ATP11A: variants seen among roughly 807,000 people sequenced by gnomAD.
ATP11A encodes phospholipid-transporting ATPase IH.
In ATP11A, 81 loss-of-function variants were observed where a neutral mutation model predicts 154.4. The ratio of observed to expected loss-of-function variants is 0.52; its 90% CI spans 0.44 to 0.63. ATP11A has a LOEUF of 0.63. ATP11A is among the 30% of genes least tolerant of loss of function. ATP11A has a pLI of 0.00. For synonymous variants in ATP11A, 623 were observed against 585.9 expected (o/e 1.06, Z -0.91); for missense variants, 1,316 against 1,474.3 (o/e 0.89, Z 1.76).
chr13:112,712,845 G>A (rs1286999109), intron 1 of ATP11A, among the ~76,000 whole-genome samples: 1 of 152,258 alleles, frequency 6.6e-6, no homozygotes, highest in African/African-American at 2.4e-5. Context: ...CAGGCCAGGG[G>A]AGGTTGTGTC....
In ATP11A at chr13:112,882,246, G is replaced by C; in HGVS notation, c.*380G>C. 2 of 711,570 alleles carry C rather than the reference G, an allele frequency of 2.8e-6. No homozygotes were observed. Among genetic ancestry groups the C allele is most frequent in the Admixed American group, 3.2e-5 (1 of 31,348 alleles). 44.1% of individuals were successfully genotyped at this position (711,570 alleles called of 1,614,324 possible). A position where few individuals can be genotyped will look rare whatever the true frequency, so the allele number is the denominator to read the frequency against. On this transcript the variant is annotated 3_prime_UTR_variant, in exon 30 of 30. Coordinates refer to ENST00000375645, the MANE Select transcript of ATP11A (RefSeq NM_015205.3). This position sits in a 1 kb window ranked among gnomAD's most constrained non-coding sequence, Gnocchi z 5.1. ...CGGCTCAACGCAGGAGGGACATTCT[G>C]CTGGCCCACCCTGCGCGCTGTCATG...
chr13:112,801,053 G>T (rs938866520), intron 2 of ATP11A, among the ~76,000 whole-genome samples: 12 of 152,086 alleles, frequency 7.9e-5, no homozygotes, highest in African/African-American at 2.7e-4. Flanking sequence ...GGTGAAAAAC[G>T]AGATGGTTTC....
intron 1 of ATP11A, among the ~76,000 whole-genome samples, chr13:112,739,567 G>A (rs1173501784): frequency 6.6e-6 from 1 of 152,184 alleles, no homozygotes; most frequent in East Asian, 1.9e-4. Context: ...GCAATTCCTC[G>A]AAATACAGGA....
intron 12 of ATP11A, among the ~76,000 whole-genome samples, chr13:112,828,347 A>C (rs1291977783): frequency 2.1e-5 from 2 of 94,294 alleles, no homozygotes; most frequent in Non-Finnish European, 4.1e-5. Context: ...GAGTGGGGGG[A>C]AAGCACCCAG....
At chr13:112,880,777 A>G (rs1392028019) in intron 29 of ATP11A, 2 of 1,157,532 alleles carry the variant, frequency 1.7e-6, no homozygotes, top group African/African-American at 3.2e-5. Context: ...AGCCCTCTTT[A>G]CACACACATG....
At chr13:112,731,981 C>T (rs1216583823) in intron 1 of ATP11A, among the ~76,000 whole-genome samples, 3 of 151,448 alleles carry the variant, frequency 2.0e-5, no homozygotes, top group South Asian at 2.1e-4. Flanking sequence ...GAAGGCATAG[C>T]GTGCGGGCAC....
intron 25 of ATP11A, among the ~76,000 whole-genome samples, chr13:112,865,050 C>T (rs1479838121): frequency 1.5e-4 from 20 of 133,528 alleles, no homozygotes; most frequent in African/African-American, 5.3e-4. Flanking sequence ...CAGCGTAGCA[C>T]GTGCAGCTTC....
At chr13:112,755,960 G>A (rs1312216451) in intron 1 of ATP11A, among the ~76,000 whole-genome samples, 1 of 132,832 alleles carries the variant, frequency 7.5e-6, no homozygotes, top group Non-Finnish European at 1.6e-5. Context: ...GGTCACGGAA[G>A]CGGCACTCAG....
At chr13:112,844,445 C>T (rs1308004456) in intron 17 of ATP11A, among the ~76,000 whole-genome samples, 3 of 152,150 alleles carry the variant, frequency 2.0e-5, no homozygotes, top group Admixed American at 6.5e-5. Flanking sequence ...GGGAAGGGGA[C>T]GCATCCCTCA....
Position 112,882,167 on chromosome 13 carries a change from C to A in ATP11A, c.*301C>A. On this transcript the variant is annotated 3_prime_UTR_variant, in exon 30 of 30. Coordinates refer to ENST00000375645, the MANE Select transcript of ATP11A (RefSeq NM_015205.3). This position sits in a 1 kb window ranked among gnomAD's most constrained non-coding sequence, Gnocchi z 5.1. ...CTTGCCCTCGAGCATGGCACCCTGGCCGCCTGGACCCAGCACTGTGGTTGT... is the reference window on the plus strand; with the variant it reads ...CTTGCCCTCGAGCATGGCACCCTGGACGCCTGGACCCAGCACTGTGGTTGT... The A allele has an allele frequency of 1.6e-6, 2 of 1,281,136 alleles. No homozygotes were observed. Among genetic ancestry groups the A allele is most frequent in the Non-Finnish European group, 2.1e-6 (2 of 975,016 alleles). 79.4% of individuals were successfully genotyped at this position (1,281,136 alleles called of 1,614,324 possible). A position where few individuals can be genotyped will look rare whatever the true frequency, so the allele number is the denominator to read the frequency against.
rs1284080224 is a variant in ATP11A at position 112,807,441 on chromosome 13, G to A, written c.333+1148G>A. ...AGGAAATGGACAGCTCCGCCGCGGT[G>A]CATGGCAGAACACAGCACAGTAACG... On this transcript the variant is annotated intron_variant, in intron 4 of 29. Transcript: ENST00000375645. This position sits in a 1 kb window ranked among gnomAD's most constrained non-coding sequence, Gnocchi z 4.5. Among the ~76,000 whole-genome samples, 1 of 152,218 alleles carries A rather than the reference G, an allele frequency of 6.6e-6. No homozygotes were observed. The highest frequency in any genetic ancestry group is 2.4e-5 in the African/African-American group (1 of 41,446).
intron 1 of ATP11A, among the ~76,000 whole-genome samples, chr13:112,705,476 C>T (rs1359852129): frequency 6.7e-6 from 1 of 149,846 alleles, no homozygotes; most frequent in Non-Finnish European, 1.5e-5. Context: ...CCCCAGCTCT[C>T]CTGGAGACTG....
At chr13:112,763,314 G>A (rs953719594) in intron 1 of ATP11A, among the ~76,000 whole-genome samples, 1 of 152,130 alleles carries the variant, frequency 6.6e-6, no homozygotes, top group Non-Finnish European at 1.5e-5. Flanking sequence ...GGCTCGGACA[G>A]GCCTCATCCC....
At chr13:112,776,388 G>C (rs765629794) in intron 1 of ATP11A, among the ~76,000 whole-genome samples, 1 of 152,098 alleles carries the variant, frequency 6.6e-6, no homozygotes, top group Non-Finnish European at 1.5e-5. Flanking sequence ...CTTTATTAAC[G>C]GGGAAATGTG....
At chr13:112,752,651 C>G (rs1177119275) in intron 1 of ATP11A, among the ~76,000 whole-genome samples, 1 of 152,216 alleles carries the variant, frequency 6.6e-6, no homozygotes, top group Non-Finnish European at 1.5e-5. Flanking sequence ...ACCATACAAA[C>G]TTAATTGCCC....
At chr13:112,775,480 A>G (rs2077325807) in intron 1 of ATP11A, among the ~76,000 whole-genome samples, 1 of 152,130 alleles carries the variant, frequency 6.6e-6, no homozygotes, top group Non-Finnish European at 1.5e-5. Context: ...GCCTCCTCTA[A>G]AGGGGTGTTA....
chr13:112,873,421 C>T (rs1197529206), intron 26 of ATP11A, 152 bp from the exon 27 acceptor site: 5 of 585,250 alleles, frequency 8.5e-6, no homozygotes, highest in South Asian at 2.2e-5. Flanking sequence ...GCTTTGTCTT[C>T]CTGAGCCGTG....
At chr13:112,869,307 C>G (rs76517215) in intron 25 of ATP11A, among the ~76,000 whole-genome samples, 4 of 152,214 alleles carry the variant, frequency 2.6e-5, no homozygotes, top group Non-Finnish European at 4.4e-5. Context: ...TGTTCCTCAC[C>G]TATAAAGCTT....
rs940537837 is a variant in ATP11A, at chr13:112,754,195, C to T, written c.40-30940C>T. On this transcript the variant is annotated intron_variant, in intron 1 of 29. Transcript: ENST00000375645. The surrounding 1 kb of genome is among the most constrained non-coding windows in gnomAD (Gnocchi z 5.3). Reference sequence around the variant, plus strand: ...GGCCTGCGCTGGGGTCTGGGAAATTCGTTTTCTCGCAGAAGGCAGAGAAGG... The same window carrying T: ...GGCCTGCGCTGGGGTCTGGGAAATTTGTTTTCTCGCAGAAGGCAGAGAAGG... 2.0e-5 allele frequency among the ~76,000 whole-genome samples: 3 copies of T among 152,200 alleles called. No homozygotes were observed. Among genetic ancestry groups the T allele is most frequent in the Admixed American group, 6.5e-5 (1 of 15,286 alleles).
Sources: gnomAD v4.1 joint callset for allele counts (sites outside exome capture counted in the v4.1 genomes callset) on GRCh38, gnomAD v4.1.1 for gene constraint, Gnocchi (gnomAD v3.1) non-coding constraint, MANE v1.5 for transcripts, NCBI Gene and HGNC (gene_info 2026-07-23, HGNC 2026-07-21) for gene names.